Variants in XK observed in about 807,000 individuals in gnomAD.
XK encodes X-linked Kx blood group antigen, Kell and VPS13A binding protein.
XK carries 2 observed loss-of-function variants against 14.0 expected under a neutral mutation model. The observed-to-expected ratio is 0.14, with a 90% CI of 0.06 to 0.45. XK has a LOEUF of 0.45. XK is among the 20% of genes least tolerant of loss of function. XK has a pLI of 0.98. For synonymous variants in XK, 149 were observed against 147.5 expected, an observed-to-expected ratio of 1.01 and a Z score of -0.08; for missense variants, 235 against 341.5, an observed-to-expected ratio of 0.69 and a Z score of 2.46.
At chrX:37,698,072 G>T (rs782294454) in intron 2 of XK, among the ~76,000 whole-genome samples, 11 of 112,057 alleles carry the variant, frequency 9.8e-5, no homozygotes, top group Middle Eastern at 4.2e-3. Flanking sequence ...AGGATGGGTT[G>T]GGTTGAAGCC....
At chrX:37,724,539 A>C (rs181120041) in intron 2 of XK, among the ~76,000 whole-genome samples, 49 of 111,810 alleles carry the variant, frequency 4.4e-4, no homozygotes, top group African/African-American at 1.5e-3. Context: ...CAAAACTATA[A>C]AATTCCTAGA....
In XK at chrX:37,728,621, G is replaced by C; in HGVS notation, c.*159G>C. 2 of 561,124 alleles carry C rather than the reference G, an allele frequency of 3.6e-6. No individual in the cohort carries two copies. The highest frequency in any genetic ancestry group is 5.7e-6 in the Non-Finnish European group (2 of 348,232). 46.2% of individuals were successfully genotyped at this position (561,124 alleles called of 1,213,427 possible). A position where few individuals can be genotyped will look rare whatever the true frequency, so the allele number is the denominator to read the frequency against. Reference sequence around the variant, plus strand: ...ATAGAGCTCTTGGGTATGTAGAACTGTATGGGAAGAAGCCAGGAAAACCTC... The same window carrying C: ...ATAGAGCTCTTGGGTATGTAGAACTCTATGGGAAGAAGCCAGGAAAACCTC... On this transcript the variant is annotated 3_prime_UTR_variant, in exon 3 of 3. Transcript: ENST00000378616.
chrX:37,693,476 C>CGTGTGTGTATGTGTGT (rs1556441874), intron 1 of XK, among the ~76,000 whole-genome samples: 2 of 95,935 alleles, frequency 2.1e-5, no homozygotes, highest in Non-Finnish European at 4.1e-5. Flanking sequence ...TCTATCAATT[C>CGTGTGTGTATGTGTGT]GTGTGTGTGT....
chrX:37,688,716 A>G (rs1344481282), intron 1 of XK, among the ~76,000 whole-genome samples: 2 of 111,761 alleles, frequency 1.8e-5, no homozygotes, highest in African/African-American at 3.3e-5. Flanking sequence ...AAATGATAAT[A>G]CCCTATCATT....
intron 1 of XK, among the ~76,000 whole-genome samples, chrX:37,690,327 G>A (rs1556441046): frequency 1.8e-5 from 2 of 111,855 alleles, no homozygotes; most frequent in African/African-American, 6.5e-5. Context: ...ACCAATTTGG[G>A]TTTTGTGTAG....
chrX:37,707,978 C>T (rs901004988), intron 2 of XK, among the ~76,000 whole-genome samples: 6 of 112,774 alleles, frequency 5.3e-5, no homozygotes, highest in Admixed American at 1.9e-4. Flanking sequence ...CCAAGGCTGG[C>T]GGATCACTCG....
At chrX:37,699,947 G>T (rs924877800) in intron 2 of XK, among the ~76,000 whole-genome samples, 1 of 111,038 alleles carries the variant, frequency 9.0e-6, no homozygotes, top group Non-Finnish European at 1.9e-5. Flanking sequence ...GAAAATCGAC[G>T]AGGGCTGATC....
Position 37,686,530 on chromosome X carries a change from T to A in XK, c.245+324T>A, listed in dbSNP as rs782731218. Among the ~76,000 whole-genome samples, 18 of 112,293 alleles carry A rather than the reference T, an allele frequency of 1.6e-4. No homozygotes were observed. In the South Asian group the frequency reaches 2.6e-3, roughly 16 times the overall value. On this transcript the variant is annotated intron_variant, in intron 1 of 2. Coordinates refer to ENST00000378616, the MANE Select transcript of XK (RefSeq NM_021083.4). ...AGACATTGGTTTCTCTGGGGTCAAGTAGGCTCTGACAGGATTGGCTTGTGT... is the reference window on the plus strand; with the variant it reads ...AGACATTGGTTTCTCTGGGGTCAAGAAGGCTCTGACAGGATTGGCTTGTGT...
At chrX:37,707,641 G>A (rs1408473835) in intron 2 of XK, among the ~76,000 whole-genome samples, 1 of 109,177 alleles carries the variant, frequency 9.2e-6, no homozygotes, top group African/African-American at 3.4e-5. Context: ...CCACATCTCA[G>A]ACAATGGGCG....
At chrX:37,687,927 GGAGA>G (rs1927115879) in intron 1 of XK, among the ~76,000 whole-genome samples, 1 of 111,114 alleles carries the variant, frequency 9.0e-6, no homozygotes. Context: ...CATTTAGTGA[GGAGA>G]GAGTTAGTCC....
chrX:37,722,506 A>T (rs1556449177), intron 2 of XK, among the ~76,000 whole-genome samples: 1 of 112,140 alleles, frequency 8.9e-6, no homozygotes, highest in African/African-American at 3.2e-5. Flanking sequence ...AAGAAAACAG[A>T]TAAAAATTAC....
intron 2 of XK, among the ~76,000 whole-genome samples, chrX:37,702,544 C>T (rs1927436187): frequency 1.8e-5 from 2 of 111,613 alleles, no homozygotes; most frequent in Non-Finnish European, 3.8e-5. Flanking sequence ...AACATTTTAC[C>T]TGAAAGTCTG....
chrX:37,727,506 A>C, intron 2 of XK, 130 bp from the exon 3 acceptor site: 1 of 581,239 alleles, frequency 1.7e-6, no homozygotes, highest in Non-Finnish European at 2.9e-6. Context: ...GATGCTAACA[A>C]CTGGAAGTCA....
intron 2 of XK, among the ~76,000 whole-genome samples, chrX:37,723,145 ATTAGGATTACTAGGGGATG>A (rs1214555687): frequency 9.0e-6 from 1 of 111,369 alleles, no homozygotes; most frequent in African/African-American, 3.3e-5. Flanking sequence ...AGGAAATGAG[ATTAGGATTACTAGGGGATG>A]TTAGACTTCT....
intron 2 of XK, among the ~76,000 whole-genome samples, chrX:37,702,718 T>C (rs1444343838): frequency 7.1e-5 from 8 of 112,239 alleles, no homozygotes; most frequent in Non-Finnish European, 1.5e-4. Flanking sequence ...TAATTTATAG[T>C]AGTTGTCTGA....
At position 37,719,415 on chromosome X, in the gene XK, G is replaced by A. The variant is rs371411240; in HGVS notation, c.509-8221G>A. 9.9e-5 allele frequency among the ~76,000 whole-genome samples: 11 copies of A among 110,837 alleles called. No individual in the cohort carries two copies. The South Asian group carries it at 3.7e-3, about 37-fold the overall frequency. ...CTTCATTGCTTCACATATTATGTCA[G>A]AGCCATTCTTTTCTCTCTCTTTCTC... On this transcript the variant is annotated intron_variant, in intron 2 of 2. Transcript: ENST00000378616.
chrX:37,705,920 T>C (rs1927518058), intron 2 of XK, among the ~76,000 whole-genome samples: 1 of 61,199 alleles, frequency 1.6e-5, no homozygotes, highest in African/African-American at 1.1e-4. Flanking sequence ...GCCTGGCTGA[T>C]TTTTTTTTTT....
intron 2 of XK, among the ~76,000 whole-genome samples, chrX:37,697,422 G>A (rs1556442660): frequency 1.8e-5 from 2 of 111,943 alleles, no homozygotes; most frequent in Non-Finnish European, 3.8e-5. Context: ...AACTGACAGT[G>A]TCTGCCACAT....
intron 2 of XK, among the ~76,000 whole-genome samples, chrX:37,699,785 A>G (rs1927375227): frequency 8.9e-6 from 1 of 111,774 alleles, no homozygotes; most frequent in East Asian, 2.8e-4. Flanking sequence ...TCCTGTCAGA[A>G]ACATTTTGAG....
Sources: gnomAD v4.1 joint callset for allele counts (sites outside exome capture counted in the v4.1 genomes callset) on GRCh38, gnomAD v4.1.1 for gene constraint, MANE v1.5 for transcripts, NCBI Gene and HGNC (gene_info 2026-07-23, HGNC 2026-07-21) for gene names.